Variants in PDE12 observed in about 807,000 individuals in gnomAD.
PDE12 encodes 2',5'-phosphodiesterase 12.
PDE12 carries 26 observed loss-of-function variants against 45.4 expected under a neutral mutation model. The ratio of observed to expected loss-of-function variants is 0.57; its 90% CI spans 0.42 to 0.79. The LOEUF is 0.79. Among genes scored for constraint, PDE12 ranks in the 30% least tolerant of loss-of-function variants. The probability of loss-of-function intolerance (pLI) is 0.00; values close to 1 mark genes in which losing one functional copy is unlikely to be tolerated. For missense variants in PDE12, 668 were observed against 790.0 expected (o/e 0.85, Z 1.85); for synonymous variants, 283 against 323.9 (o/e 0.87, Z 1.36).
the PDE12 span, among the ~76,000 whole-genome samples, chr3:57,583,712 C>A: frequency 6.6e-6 from 1 of 152,186 alleles, no homozygotes; most frequent in Admixed American, 6.6e-5. Context: ...CTTTACAACT[C>A]TTCCACCCTA....
chr3:57,637,514 T>G, the PDE12 span, among the ~76,000 whole-genome samples: 1 of 152,146 alleles, frequency 6.6e-6, no homozygotes, highest in Non-Finnish European at 1.5e-5. Flanking sequence ...TTTTCTCTAA[T>G]TTTACTGACC....
chr3:57,556,812 G>C lies in PDE12; in HGVS notation c.433G>C (p.Gly145Arg). 1.2e-6 allele frequency: 2 copies of C among 1,612,804 alleles called. No homozygotes were observed. The highest frequency in any genetic ancestry group is 1.7e-6 in the Non-Finnish European group (2 of 1,179,110). Residue 145 changes from glycine to arginine, a missense_variant, in exon 1 of 3, where the codon GGC (glycine) becomes CGC (arginine). By Grantham distance (125) the Gly-to-Arg change is moderately radical. This residue lies in a region of PDE12 where 580 missense variants were observed against 662.9 expected (regional missense o/e 0.87). Coordinates refer to ENST00000311180, the MANE Select transcript of PDE12 (RefSeq NM_177966.7). This position sits in a 1 kb window ranked among gnomAD's most constrained non-coding sequence, Gnocchi z 5.0. Reference protein sequence around the residue: ...DVLNVDAWQDGAVLQIGDVKY... With the variant: ...DVLNVDAWQDRAVLQIGDVKY... Reference sequence around the variant, plus strand: ...GCTCAACGTGGATGCCTGGCAAGACGGCGCGGTGCTGCAGATCGGCGATGT... The same window carrying C: ...GCTCAACGTGGATGCCTGGCAAGACCGCGCGGTGCTGCAGATCGGCGATGT...
At chr3:57,652,795 A>T in the PDE12 span, among the ~76,000 whole-genome samples, 1 of 152,306 alleles carries the variant, frequency 6.6e-6, no homozygotes, top group Non-Finnish European at 1.5e-5. Context: ...AATACCAGAC[A>T]ATCCTAAACT....
At chr3:57,630,761 G>A in the PDE12 span, 1 of 1,614,036 alleles carries the variant, frequency 6.2e-7, no homozygotes, top group Non-Finnish European at 8.5e-7. Flanking sequence ...GTTAGCTGAG[G>A]TCCTGTTTTC....
chr3:57,613,297 C>CT, the PDE12 span, among the ~76,000 whole-genome samples: 4,179 of 129,430 alleles, frequency 0.032, 193 homozygotes, highest in African/African-American at 0.1. Context: ...AAAAAAACAA[C>CT]TTTTTTTTTT....
the PDE12 span, among the ~76,000 whole-genome samples, chr3:57,605,273 A>T: frequency 6.6e-6 from 1 of 152,166 alleles, no homozygotes; most frequent in Admixed American, 6.5e-5. Flanking sequence ...AGCAGCACAG[A>T]AAGAGAGAGA....
chr3:57,633,139 T>C, the PDE12 span: 22 of 781,606 alleles, frequency 2.8e-5, no homozygotes, highest in African/African-American at 3.9e-4. Context: ...GGGTTTATTT[T>C]TAATCACTAA....
chr3:57,652,054 T>A, the PDE12 span, among the ~76,000 whole-genome samples: 152 of 152,010 alleles, frequency 1.0e-3, 2 homozygotes, highest in East Asian at 7.5e-3. Context: ...AAAATAAAAA[T>A]AAAAATAAAT....
chr3:57,607,497 G>T, the PDE12 span, among the ~76,000 whole-genome samples: 2 of 152,064 alleles, frequency 1.3e-5, no homozygotes, highest in Non-Finnish European at 2.9e-5. Context: ...CTTGAAAAAA[G>T]ATTAGATGAA....
chr3:57,589,210 G>A, the PDE12 span, among the ~76,000 whole-genome samples: 1 of 152,178 alleles, frequency 6.6e-6, no homozygotes, highest in African/African-American at 2.4e-5. Flanking sequence ...CAAGGCTGCA[G>A]TGAGCTGTGA....
At chr3:57,635,812 G>A in the PDE12 span, among the ~76,000 whole-genome samples, 1 of 152,056 alleles carries the variant, frequency 6.6e-6, no homozygotes, top group Non-Finnish European at 1.5e-5. Flanking sequence ...GGTTTAAACT[G>A]TGCATATTCA....
At chr3:57,649,435 A>C in the PDE12 span, among the ~76,000 whole-genome samples, 3 of 152,142 alleles carry the variant, frequency 2.0e-5, no homozygotes, top group Non-Finnish European at 4.4e-5. Flanking sequence ...CCACTATGGA[A>C]AACCGTACAG....
chr3:57,634,072 C>T, the PDE12 span, among the ~76,000 whole-genome samples: 1 of 152,088 alleles, frequency 6.6e-6, no homozygotes, highest in Admixed American at 6.6e-5. Flanking sequence ...TGTGTAGCTA[C>T]AGCCCCAAAT....
At chr3:57,605,152 G>A in the PDE12 span, among the ~76,000 whole-genome samples, 1 of 152,264 alleles carries the variant, frequency 6.6e-6, no homozygotes, top group African/African-American at 2.4e-5. Flanking sequence ...TTATTGCCTT[G>A]GGAATGTGTC....
At chr3:57,611,339 TA>T in the PDE12 span, among the ~76,000 whole-genome samples, 1 of 152,106 alleles carries the variant, frequency 6.6e-6, no homozygotes, top group Non-Finnish European at 1.5e-5. Context: ...ACTTCATGTC[TA>T]AAACACCAAA....
At chr3:57,616,187 G>A in the PDE12 span, among the ~76,000 whole-genome samples, 1 of 152,074 alleles carries the variant, frequency 6.6e-6, no homozygotes, top group Non-Finnish European at 1.5e-5. Flanking sequence ...AGCCAGGTAT[G>A]GTGGTGTACA....
the PDE12 span, chr3:57,597,961 C>T: frequency 6.6e-6 from 1 of 152,314 alleles, no homozygotes; most frequent in South Asian, 2.1e-4. Context: ...ACGCTTCGAC[C>T]ACCACGCCAA....
chr3:57,654,317 T>C, the PDE12 span, among the ~76,000 whole-genome samples: 1 of 152,126 alleles, frequency 6.6e-6, no homozygotes, highest in Non-Finnish European at 1.5e-5. Flanking sequence ...TAGTATGTTA[T>C]TATAATCTGA....
the PDE12 span, among the ~76,000 whole-genome samples, chr3:57,585,266 A>G: frequency 6.6e-6 from 1 of 152,256 alleles, no homozygotes; most frequent in South Asian, 2.1e-4. Context: ...TTATTTACAG[A>G]GTAAAATTTG....
Sources: allele counts gnomAD v4.1 joint callset (sites outside exome capture counted in the v4.1 genomes callset), GRCh38; gene constraint gnomAD v4.1.1; regional missense constraint gnomAD v4.1.1; non-coding constraint Gnocchi (gnomAD v3.1); transcripts MANE v1.5; gene names NCBI Gene and HGNC (gene_info 2026-07-23, HGNC 2026-07-21).